Variants in RPA3 observed in about 807,000 individuals in gnomAD.
RPA3 encodes the protein replication protein A 14 kDa subunit.
RPA3 carries 24 observed loss-of-function variants against 13.7 expected under a neutral mutation model. The ratio of observed to expected loss-of-function variants is 1.75; its 90% confidence interval spans 1.27 to 2.46. The LOEUF is 2.46. Among genes scored for constraint, RPA3 ranks in the 30% most tolerant of loss-of-function variants. The probability of loss-of-function intolerance (pLI) is 0.00; values close to 1 mark genes in which losing one functional copy is unlikely to be tolerated. For synonymous variants in RPA3, 59 were observed against 51.2 expected (o/e 1.15, Z -0.65); for missense variants, 183 against 151.0 (o/e 1.21, Z -1.11).
At chr7:7,688,969 A>G (rs935506328) in intron 2 of RPA3, among the ~76,000 whole-genome samples, 39 of 152,152 alleles carry the variant, frequency 2.6e-4, no homozygotes, top group Admixed American at 6.6e-5. Flanking sequence ...TACTTACTTT[A>G]TTTAGTTATA....
rs28916303 is a variant in RPA3, at chr7:7,638,959, C to T, written c.174+111G>A. On this transcript the variant is annotated intron_variant, in intron 6 of 7. Coordinates refer to ENST00000223129, the MANE Select transcript of RPA3 (RefSeq NM_002947.5). ...AATTTTACAGCCAGGGACGTTTTAC[C>T]AGCTCATCCTTTTTAAATCCATTGC... is the stretch of plus-strand genomic sequence containing the variant. 2.9e-3 allele frequency: 2,038 copies of T among 707,388 alleles called. 37 individuals are homozygous for T. The Admixed American group carries it at 0.033, about 11-fold the overall frequency. The allele number at this position is 707,388 out of a possible 1,614,324, so 43.8% of individuals were successfully genotyped here.
intron 4 of RPA3, among the ~76,000 whole-genome samples, chr7:7,649,492 A>G (rs1467388373): frequency 1.3e-5 from 2 of 152,222 alleles, no homozygotes; most frequent in African/African-American, 4.8e-5. Context: ...TTTCTAACAC[A>G]TGAACTTTGG....
At chr7:7,642,689 T>C (rs887961244) in intron 4 of RPA3, among the ~76,000 whole-genome samples, 2 of 152,114 alleles carry the variant, frequency 1.3e-5, no homozygotes, top group Admixed American at 6.5e-5. Flanking sequence ...ATTTGCATAG[T>C]TTTGAGAGAA....
intron 4 of RPA3, among the ~76,000 whole-genome samples, chr7:7,643,793 A>T (rs1402376347): frequency 2.0e-5 from 3 of 151,212 alleles, no homozygotes; most frequent in Non-Finnish European, 4.4e-5. Flanking sequence ...TAACCTTCAC[A>T]TTCCCGCTTG....
At chr7:7,701,530 G>C (rs1020744151) in intron 2 of RPA3, among the ~76,000 whole-genome samples, 2 of 152,164 alleles carry the variant, frequency 1.3e-5, no homozygotes, top group African/African-American at 2.4e-5. Flanking sequence ...TTGTGAAGAT[G>C]AGAGATGTAT....
chr7:7,652,023 G>T (rs1008392366), intron 4 of RPA3, among the ~76,000 whole-genome samples: 1 of 152,168 alleles, frequency 6.6e-6, no homozygotes, highest in African/African-American at 2.4e-5. Flanking sequence ...TTGTCAGGGA[G>T]GGGTAGAAGG....
At chr7:7,665,651 T>G (rs1390810701) in intron 4 of RPA3, among the ~76,000 whole-genome samples, 1 of 152,210 alleles carries the variant, frequency 6.6e-6, no homozygotes, top group Non-Finnish European at 1.5e-5. Flanking sequence ...TCCAAGAGTT[T>G]CCTGCTACTC....
intron 4 of RPA3, among the ~76,000 whole-genome samples, chr7:7,656,345 C>T (rs1785342715): frequency 6.6e-6 from 1 of 151,522 alleles, no homozygotes; most frequent in Admixed American, 6.6e-5. Flanking sequence ...ACTTAAAGTT[C>T]TGGAGTACAT....
intron 4 of RPA3, among the ~76,000 whole-genome samples, chr7:7,651,926 A>T (rs1785230558): frequency 6.6e-6 from 1 of 152,110 alleles, no homozygotes. Context: ...TTGGGCAGTT[A>T]CACACCATTC....
chr7:7,714,649 A>G (rs1333315671), intron 2 of RPA3, among the ~76,000 whole-genome samples: 1 of 152,238 alleles, frequency 6.6e-6, no homozygotes, highest in East Asian at 1.9e-4. Context: ...ACAATGTATT[A>G]TATGTTGGAC....
At chr7:7,648,705 G>T (rs1233810594) in intron 4 of RPA3, among the ~76,000 whole-genome samples, 1 of 151,828 alleles carries the variant, frequency 6.6e-6, no homozygotes, top group African/African-American at 2.4e-5. Context: ...ACAAAAATTA[G>T]CTGGCCATGG....
chr7:7,647,534 G>A (rs760529055), intron 4 of RPA3, among the ~76,000 whole-genome samples: 2 of 152,122 alleles, frequency 1.3e-5, no homozygotes, highest in African/African-American at 2.4e-5. Flanking sequence ...CTCAATTATC[G>A]ATAAATATGT....
intron 2 of RPA3, among the ~76,000 whole-genome samples, chr7:7,699,004 A>C (rs1463989138): frequency 2.7e-5 from 4 of 147,886 alleles, no homozygotes; most frequent in Non-Finnish European, 6.0e-5. Flanking sequence ...ACAGGAGTGC[A>C]CCATCATGCC....
intron 4 of RPA3, among the ~76,000 whole-genome samples, chr7:7,656,929 C>G (rs185778138): frequency 9.8e-5 from 15 of 152,332 alleles, no homozygotes; most frequent in African/African-American, 3.1e-4. Context: ...ACACTTCCAC[C>G]AACAGTGTTA....
chr7:7,657,547 C>T (rs1203709801), intron 4 of RPA3, among the ~76,000 whole-genome samples: 1 of 152,106 alleles, frequency 6.6e-6, no homozygotes, highest in Admixed American at 6.5e-5. Context: ...TCAGTTTTCC[C>T]AACAGCATTT....
Position 7,640,348 on chromosome 7 carries a change from G to A in RPA3, c.71C>T (p.Pro24Leu). ...AGMLAQFIDK[P>L]VCFVGRLEKI... The stretch of plus-strand genomic sequence containing the variant: ...TTCCAGCCTCCCTACGAAGCAGACA[G>A]GCTTGTCGATGAATTGAGCTAGCAT... The change falls in exon 5 of 8, where the codon CCT (proline) becomes CTT (leucine). Residue 24 changes from proline (P) to leucine (L), a missense_variant. Transcript: ENST00000223129. 3 of 1,614,118 alleles carry A rather than the reference G, an allele frequency of 1.9e-6. No homozygotes were observed. The highest frequency in any genetic ancestry group is 2.5e-6 in the Non-Finnish European group (3 of 1,180,020).
rs200354149 is a variant in RPA3, at chr7:7,637,831, T to G, written c.283+33A>C. The G allele has an allele frequency of 2.1e-6, 3 of 1,454,872 alleles. No individual in the cohort carries two copies. In the African/African-American group the frequency reaches 4.2e-5, roughly 20 times the overall value. 90.1% of individuals were successfully genotyped at this position (1,454,872 alleles called of 1,614,324 possible). A position where few individuals can be genotyped will look rare whatever the true frequency, so the allele number is the denominator to read the frequency against. The stretch of plus-strand genomic sequence containing the variant: ...TAAAACTGTATGTTATGTAATTACA[T>G]AAAACCAGTCAATACTAGAATGCTT... On this transcript the variant is annotated intron_variant, in intron 7 of 7. Transcript: ENST00000223129.
intron 1 of RPA3, 111 bp downstream of exon 1, chr7:7,718,404 C>G (rs1042611134): frequency 6.6e-6 from 1 of 152,082 alleles, no homozygotes; most frequent in East Asian, 1.9e-4. Context: ...TGAATAAGAA[C>G]GGAGTAAAAA....
intron 4 of RPA3, among the ~76,000 whole-genome samples, chr7:7,669,343 A>G (rs1039529639): frequency 4.6e-5 from 7 of 152,156 alleles, no homozygotes; most frequent in African/African-American, 7.2e-5. Context: ...TCCAGTTACT[A>G]GTCTTAGGCA....
Sources: allele counts gnomAD v4.1 joint callset (sites outside exome capture counted in the v4.1 genomes callset), GRCh38; gene constraint gnomAD v4.1.1; transcripts MANE v1.5; gene names NCBI Gene and HGNC (gene_info 2026-07-23, HGNC 2026-07-21).